Variants in COBL observed in about 807,000 individuals in gnomAD.
The protein encoded by COBL is protein cordon-bleu.
Under a neutral mutation model 98.8 loss-of-function variants are expected in COBL, and 51 were observed. The observed-to-expected ratio is 0.52, with a 90% CI of 0.41 to 0.65. COBL has a LOEUF of 0.65. Ranked by LOEUF, COBL falls within the 30% of genes least tolerant of loss-of-function variation. The pLI is 0.00. For synonymous variants in COBL, 634 were observed against 651.7 expected, an observed-to-expected ratio of 0.97 and a Z score of 0.41; for missense variants, 1,617 against 1,617.5, an observed-to-expected ratio of 1.00 and a Z score of 0.01.
In COBL at chr7:51,025,202, C is replaced by G; in HGVS notation, c.3675G>C (p.Arg1225Ser). 6.4e-7 allele frequency: 1 copy of G among 1,572,754 alleles called. No homozygotes were observed. Among genetic ancestry groups the G allele is most frequent in the Non-Finnish European group, 8.6e-7 (1 of 1,157,176 alleles). ...TGTTGCTGAGGGTGCCCGTGCTGAA[C>G]CTGGAGGCCGTCCTTGGTGCAGAGA... is the stretch of plus-strand genomic sequence containing the variant. Reference protein sequence around the residue: ...QALSAPRTASRFSTGTLSNTA... With the variant: ...QALSAPRTASSFSTGTLSNTA... Residue 1225 changes from arginine (R) to serine (S), a missense_variant, in exon 12 of 13, where the codon AGG becomes AGC. Physicochemically the swap from Arg to Ser is moderately radical, Grantham distance 110. This residue lies in a region of COBL where 1,304 missense variants were observed against 1,282.0 expected (regional missense o/e 1.02). Transcript: ENST00000265136.
At chr7:51,195,358 C>G (rs1235996360) in intron 2 of COBL, among the ~76,000 whole-genome samples, 2 of 152,152 alleles carry the variant, frequency 1.3e-5, no homozygotes, top group Admixed American at 6.5e-5. Context: ...GTTCTCCATT[C>G]TGTTCCATTG....
intron 1 of COBL, among the ~76,000 whole-genome samples, chr7:51,300,162 GTTTTGTT>G (rs1801802893): frequency 6.6e-6 from 1 of 151,398 alleles, no homozygotes; most frequent in Admixed American, 6.6e-5. Context: ...GTTTTGTTTT[GTTTTGTT>G]TTGTTTTTTG....
chr7:51,227,143 G>A (rs1158817907), intron 1 of COBL, among the ~76,000 whole-genome samples: 1 of 152,170 alleles, frequency 6.6e-6, no homozygotes, highest in Non-Finnish European at 1.5e-5. Context: ...GAGCGGTGAG[G>A]TTAGAGAATA....
intron 1 of COBL, among the ~76,000 whole-genome samples, chr7:51,280,220 GTGGGCAATGGCT>G (rs1357258876): frequency 6.6e-6 from 1 of 152,126 alleles, no homozygotes; most frequent in Non-Finnish European, 1.5e-5. Flanking sequence ...AACCTGGGCA[GTGGGCAATGGCT>G]TAGACAGAGA....
intron 1 of COBL, among the ~76,000 whole-genome samples, chr7:51,223,572 T>C (rs1351725448): frequency 6.6e-6 from 1 of 152,202 alleles, no homozygotes; most frequent in Non-Finnish European, 1.5e-5. Flanking sequence ...TCCACTCTTC[T>C]GGCAATTGGC....
chr7:51,299,057 G>A (rs1443406251), intron 1 of COBL, among the ~76,000 whole-genome samples: 2 of 152,206 alleles, frequency 1.3e-5, no homozygotes, highest in Middle Eastern at 6.4e-3. Context: ...AAAGCCAAGG[G>A]GAGGTGTTGC....
intron 5 of COBL, among the ~76,000 whole-genome samples, chr7:51,152,860 G>A (rs1447177513): frequency 1.3e-5 from 2 of 152,226 alleles, no homozygotes; most frequent in South Asian, 2.1e-4. Flanking sequence ...ATGCCTGAAT[G>A]GGAATGCTCC....
At chr7:51,035,991 T>G (rs1788598246) in intron 8 of COBL, 1 of 152,184 alleles carries the variant, frequency 6.6e-6, no homozygotes, top group Admixed American at 6.5e-5. Context: ...AAAGGGGGAT[T>G]GGTTCCAGGA....
intron 8 of COBL, among the ~76,000 whole-genome samples, chr7:51,039,228 A>G (rs28630554): frequency 0.013 from 2,007 of 152,298 alleles, 28 homozygotes; most frequent in African/African-American, 0.046. Flanking sequence ...GTTTCTCTCA[A>G]CCGCCAGAGT....
At chr7:51,019,494 G>A (rs201291529) in intron 12 of COBL, among the ~76,000 whole-genome samples, 17 of 152,314 alleles carry the variant, frequency 1.1e-4, no homozygotes, top group East Asian at 9.7e-4. Context: ...TTCTGAAGAC[G>A]TGAGGTTAAT....
chr7:51,017,434 G>A lies in COBL; in HGVS notation c.*117C>T. On this transcript the variant is annotated 3_prime_UTR_variant, in exon 13 of 13. Transcript: ENST00000265136. ...CACCGAAAATCAACTGTGCGCATTT[G>A]GCCTGTAGACAAGAAAGTAACACCA... is the stretch of plus-strand genomic sequence containing the variant. 1.1e-6 allele frequency: 1 copy of A among 940,496 alleles called. No homozygotes were observed. Among genetic ancestry groups the A allele is most frequent in the Non-Finnish European group, 1.7e-6 (1 of 588,288 alleles). 58.3% of individuals were successfully genotyped at this position (940,496 alleles called of 1,614,324 possible).
chr7:51,081,366 G>A (rs1793652160), intron 7 of COBL, among the ~76,000 whole-genome samples: 1 of 152,212 alleles, frequency 6.6e-6, no homozygotes, highest in East Asian at 1.9e-4. Flanking sequence ...GAGGGCACAA[G>A]GAGGAAATGG....
intron 6 of COBL, among the ~76,000 whole-genome samples, chr7:51,117,829 T>C (rs1797413935): frequency 6.6e-6 from 1 of 152,222 alleles, no homozygotes; most frequent in Non-Finnish European, 1.5e-5. Flanking sequence ...TTCCCTCATA[T>C]TCCTCAGGAG....
chr7:51,202,204 T>C (rs1791192767), intron 2 of COBL, among the ~76,000 whole-genome samples: 1 of 152,084 alleles, frequency 6.6e-6, no homozygotes, highest in South Asian at 2.1e-4. Flanking sequence ...GTTCCTGACT[T>C]AATAAGGAAA....
intron 1 of COBL, among the ~76,000 whole-genome samples, chr7:51,268,390 T>C (rs1281660888): frequency 6.6e-6 from 1 of 152,102 alleles, no homozygotes; most frequent in African/African-American, 2.4e-5. Flanking sequence ...GCTCCTTCAC[T>C]AACAGCCTCA....
intron 1 of COBL, among the ~76,000 whole-genome samples, chr7:51,305,685 C>A (rs1802393760): frequency 6.6e-6 from 1 of 152,182 alleles, no homozygotes; most frequent in African/African-American, 2.4e-5. Flanking sequence ...AACACCAGCT[C>A]ATTCACAGCA....
intron 1 of COBL, among the ~76,000 whole-genome samples, chr7:51,305,712 C>G (rs1201599264): frequency 6.6e-6 from 1 of 152,146 alleles, no homozygotes; most frequent in African/African-American, 2.4e-5. Context: ...AGCCCCTAAA[C>G]CAGGTACCAG....
At chr7:51,297,455 G>A (rs12719051) in intron 1 of COBL, among the ~76,000 whole-genome samples, 9,564 of 147,258 alleles carry the variant, frequency 0.065, 456 homozygotes, top group Non-Finnish European at 0.1. Context: ...GCAATGGTGC[G>A]ATCTCAGCTC....
intron 5 of COBL, among the ~76,000 whole-genome samples, chr7:51,156,922 G>A (rs996066087): frequency 5.9e-5 from 9 of 152,130 alleles, no homozygotes; most frequent in Non-Finnish European, 1.2e-4. Flanking sequence ...AGCTGCATCC[G>A]CAGCTTAGCT....
Sources: allele counts gnomAD v4.1 joint callset (sites outside exome capture counted in the v4.1 genomes callset), GRCh38; gene constraint gnomAD v4.1.1; regional missense constraint gnomAD v4.1.1; transcripts MANE v1.5; gene names NCBI Gene and HGNC (gene_info 2026-07-23, HGNC 2026-07-21).